The following CACNA1S variants were observed in gnomAD, a reference collection of about 807,000 sequenced individuals.
CACNA1S encodes voltage-dependent L-type calcium channel subunit alpha-1S.
Under a neutral mutation model 207.4 loss-of-function variants are expected in CACNA1S, and 126 were observed. The observed-to-expected ratio is 0.61, with a 90% CI of 0.53 to 0.70. The LOEUF (loss-of-function observed/expected upper bound fraction) is 0.70, where lower values mean the gene tolerates loss of function less well. CACNA1S is among the 30% of genes least tolerant of loss of function. The pLI is 0.00. For missense variants in CACNA1S, 2,349 were observed against 2,422.8 expected (o/e 0.97, Z 0.64); for synonymous variants, 960 against 932.7 (o/e 1.03, Z -0.53).
At chr1:201,057,690 G>C (rs111830890) in intron 28 of CACNA1S, among the ~76,000 whole-genome samples, 1 of 152,168 alleles carries the variant, frequency 6.6e-6, no homozygotes, top group Non-Finnish European at 1.5e-5. Context: ...GGCTCAGCGC[G>C]GTGGCTCACA....
At position 201,053,609 on chromosome 1, in the gene CACNA1S, G is replaced by A; in HGVS notation, c.3667-22C>T. ...GGTCCTGCGGGGCAGCAGCCCCAGA[G>A]GTCAGTCTGGGGGCAGAACCTCAGA... On this transcript the variant is annotated intron_variant, in intron 29 of 43. Coordinates refer to ENST00000362061, the MANE Select transcript of CACNA1S (RefSeq NM_000069.3). The surrounding 1 kb of genome is among the most constrained non-coding windows in gnomAD (Gnocchi z 5.1). 2 of 1,613,408 alleles carry A rather than the reference G, an allele frequency of 1.2e-6. No homozygotes were observed. Among genetic ancestry groups the A allele is most frequent in the East Asian group, 2.2e-5 (1 of 44,858 alleles).
In CACNA1S at chr1:201,073,538, G is replaced by A. The variant is rs563515909; in HGVS notation, c.2157+11C>T. On this transcript the variant is annotated intron_variant, in intron 15 of 43. Transcript: ENST00000362061. ...TAGACTGCCTCTAACATCCCCACCT[G>A]AGGTGCTCACCTTGGCAGTGGTGGG... is the stretch of plus-strand genomic sequence containing the variant. The A allele has an allele frequency of 3.7e-6, 6 of 1,606,020 alleles. No individual in the cohort carries two copies. In the East Asian group the frequency reaches 1.3e-4, roughly 36 times the overall value.
At chr1:201,078,852 G>C (rs970734376) in intron 10 of CACNA1S, among the ~76,000 whole-genome samples, 55 of 152,238 alleles carry the variant, frequency 3.6e-4, no homozygotes, top group African/African-American at 1.3e-3. Flanking sequence ...GCCGAGCGCA[G>C]TGACTCACAC....
intron 4 of CACNA1S, 83 bp from the exon 5 acceptor site, chr1:201,091,875 C>A (rs549996686): frequency 7.0e-5 from 111 of 1,597,036 alleles, no homozygotes; most frequent in Non-Finnish European, 8.8e-5. Context: ...TCCTGGGAAG[C>A]CCCTGAGATG....
intron 38 of CACNA1S, among the ~76,000 whole-genome samples, chr1:201,046,386 G>T (rs527805432): frequency 1.3e-5 from 2 of 152,052 alleles, no homozygotes; most frequent in South Asian, 2.1e-4. Context: ...CTACCATCTT[G>T]CCCAGGCTGG....
chr1:201,043,915 C>G (rs1375605403), intron 39 of CACNA1S, among the ~76,000 whole-genome samples: 1 of 151,988 alleles, frequency 6.6e-6, no homozygotes, highest in Non-Finnish European at 1.5e-5. Flanking sequence ...TCATGAATAA[C>G]CCAAAAAGAC....
chr1:201,077,727 G>A, intron 11 of CACNA1S, 152 bp downstream of exon 11: 1 of 611,206 alleles, frequency 1.6e-6, no homozygotes, highest in Non-Finnish European at 3.0e-6. Context: ...TTCACAGAAG[G>A]AGGTTATTTC....
Position 201,053,136 on chromosome 1 carries a change from C to T in CACNA1S, c.3861+73G>A. The T allele has an allele frequency of 1.3e-6, 2 of 1,544,248 alleles. No homozygotes were observed. Among genetic ancestry groups the T allele is most frequent in the South Asian group, 2.2e-5 (2 of 89,714 alleles). ...GTCCAGCCCGTGTGCTGCTCAGGCT[C>T]CTCAGGGTCCACTGATGCCCCCTCT... On this transcript the variant is annotated intron_variant, in intron 31 of 43. Transcript: ENST00000362061. The surrounding 1 kb of genome is among the most constrained non-coding windows in gnomAD (Gnocchi z 5.1).
chr1:201,102,443 C>A (rs898478367), intron 2 of CACNA1S, among the ~76,000 whole-genome samples: 1 of 152,168 alleles, frequency 6.6e-6, no homozygotes, highest in Non-Finnish European at 1.5e-5. Context: ...CTACTCCCAA[C>A]CCTTGGGCCC....
In CACNA1S at chr1:201,110,168, C is replaced by G; in HGVS notation, c.254G>C (p.Gly85Ala). ...PEDDNNSLNL[G>A]LEKLEYFFLI... ...AGATGGAAGGGCCAATCTTACCAGG[C>G]CGAGGTTCAGAGAGTTGTTGTCATC... The change falls in exon 2 of 44, where the codon GGC becomes GCC. Residue 85 changes from glycine (G) to alanine (A), a missense_variant. By Grantham distance (60) the Gly-to-Ala change is moderately conservative. Transcript: ENST00000362061. 6.2e-7 allele frequency: 1 copy of G among 1,614,076 alleles called. No individual in the cohort carries two copies. Among genetic ancestry groups the G allele is most frequent in the Non-Finnish European group, 8.5e-7 (1 of 1,179,934 alleles).
chr1:201,076,883 C>A (rs769986909), intron 12 of CACNA1S, 37 bp downstream of exon 12: 2 of 1,575,178 alleles, frequency 1.3e-6, no homozygotes, highest in South Asian at 2.2e-5. Flanking sequence ...GATTCAGCAA[C>A]CGTTCAGAAG....
chr1:201,069,070 G>A, intron 19 of CACNA1S, 67 bp downstream of exon 19: 1 of 1,360,506 alleles, frequency 7.4e-7, no homozygotes, highest in Non-Finnish European at 1.1e-6. Context: ...CCTGAGTTCA[G>A]TGTGTGTAAA....
intron 3 of CACNA1S, 126 bp downstream of exon 3, chr1:201,093,756 G>A: frequency 8.4e-7 from 1 of 1,190,086 alleles, no homozygotes; most frequent in Non-Finnish European, 1.2e-6. Flanking sequence ...AACAGAGGCT[G>A]CTCCATGCAG....
chr1:201,072,308 A>G (rs992291762), intron 16 of CACNA1S, among the ~76,000 whole-genome samples: 1 of 152,042 alleles, frequency 6.6e-6, no homozygotes, highest in African/African-American at 2.4e-5. Context: ...ATTGCCTGCC[A>G]TGGTTCTATC....
chr1:201,078,027 A>G lies in CACNA1S; in HGVS notation c.1471T>C (p.Tyr491His). The stretch of plus-strand genomic sequence containing the variant: ...AAGCGGTTGAAGATAGACATGAAGT[A>G]CTGGCGCAGGCCCAGCCCGTACATC... ...MKMYGLGLRQ[Y>H]FMSIFNRFDC... The change falls in exon 11 of 44, where the codon TAC becomes CAC. Residue 491 changes from tyrosine to histidine, a missense_variant. Tyr to His is a moderately conservative substitution (Grantham distance 83). Coordinates refer to ENST00000362061, the MANE Select transcript of CACNA1S (RefSeq NM_000069.3). 2 of 1,614,184 alleles carry G rather than the reference A, an allele frequency of 1.2e-6. No homozygotes were observed. Among genetic ancestry groups the G allele is most frequent in the Non-Finnish European group, 1.7e-6 (2 of 1,180,018 alleles).
In CACNA1S at chr1:201,110,188, G is replaced by A. The variant is rs767375833; in HGVS notation, c.234C>T (p.Asp78=). ...LAVYLPMPED[D]NNSLNLGLEK... ...CCAGGCCGAGGTTCAGAGAGTTGTT[G>A]TCATCTTCCGGCATGGGCAGGTACA... The change falls in exon 2 of 44, where the codon GAC becomes GAT. Residue 78 remains aspartate, a synonymous_variant. Transcript: ENST00000362061. 1 of 1,614,206 alleles carries A rather than the reference G, an allele frequency of 6.2e-7. No individual in the cohort carries two copies. The highest frequency in any genetic ancestry group is 1.1e-5 in the South Asian group (1 of 91,084).
chr1:201,094,547 C>G (rs1662349908), intron 2 of CACNA1S, among the ~76,000 whole-genome samples: 1 of 152,008 alleles, frequency 6.6e-6, no homozygotes, highest in African/African-American at 2.4e-5. Context: ...GGCTTTGGCA[C>G]CTTTATTCTC....
At chr1:201,086,050 A>G (rs562567420) in intron 7 of CACNA1S, among the ~76,000 whole-genome samples, 41 of 151,218 alleles carry the variant, frequency 2.7e-4, no homozygotes, top group African/African-American at 9.6e-4. Context: ...CATGGCTGGA[A>G]GAAAAGGACC....
intron 1 of CACNA1S, among the ~76,000 whole-genome samples, 164 bp downstream of exon 1, chr1:201,112,024 C>T (rs572077423): frequency 5.3e-4 from 47 of 87,968 alleles, no homozygotes; most frequent in African/African-American, 2.0e-3. Flanking sequence ...CCTGCTTAGC[C>T]GAGGGCTCCT....
Sources: gnomAD v4.1 joint callset for allele counts (sites outside exome capture counted in the v4.1 genomes callset) on GRCh38, gnomAD v4.1.1 for gene constraint, Gnocchi (gnomAD v3.1) non-coding constraint, MANE v1.5 for transcripts, NCBI Gene and HGNC (gene_info 2026-07-23, HGNC 2026-07-21) for gene names.